METTL15: variants seen among roughly 807,000 people sequenced by gnomAD.
METTL15 encodes methyltransferase 15, mitochondrial 12S rRNA N4-cytidine, also known as 12S rRNA N(4)-cytidine methyltransferase METTL15.
METTL15 carries 34 observed loss-of-function variants against 38.3 expected under a neutral mutation model. The observed-to-expected ratio is 0.89, with a 90% confidence interval of 0.68 to 1.18. METTL15 has a LOEUF of 1.18. METTL15 is among the 50% of genes most tolerant of loss of function. The pLI is 0.00. For synonymous variants in METTL15, 162 were observed against 170.9 expected (o/e 0.95, Z 0.41); for missense variants, 438 against 498.4 (o/e 0.88, Z 1.15).
Position 28,426,878 on chromosome 11 carries a change from A to T in METTL15, c.*424+2514A>T, listed in dbSNP as rs748053508. On this transcript the variant is annotated intron_variant and NMD_transcript_variant, in intron 6 of 7. Coordinates refer to the METTL15 transcript ENST00000532947. ...GGATAGATTGCAAAAATTTTTTCTC[A>T]TTCTGTAGGTTGACAGTTCACTCTG... 1.0e-3 allele frequency among the ~76,000 whole-genome samples: 153 copies of T among 151,526 alleles called. 1 individual carries two copies. Among genetic ancestry groups the T allele is most frequent in the Non-Finnish European group, 1.9e-3 (126 of 67,880 alleles).
intron 3 of METTL15, among the ~76,000 whole-genome samples, chr11:28,133,734 G>A (rs1490288988): frequency 6.6e-6 from 1 of 152,110 alleles, no homozygotes; most frequent in Non-Finnish European, 1.5e-5. Context: ...AGCACCCAGT[G>A]GTTGAGCAGT....
At chr11:28,511,696 G>A (rs1224412604) in intron 6 of METTL15, among the ~76,000 whole-genome samples, 6 of 152,166 alleles carry the variant, frequency 3.9e-5, no homozygotes, top group African/African-American at 1.4e-4. Flanking sequence ...GGTTTTAGGA[G>A]TGAAGCTGCA....
chr11:28,461,926 A>G (rs1851219266), intron 6 of METTL15, among the ~76,000 whole-genome samples: 1 of 152,060 alleles, frequency 6.6e-6, no homozygotes, highest in African/African-American at 2.4e-5. Flanking sequence ...AAATAAAATG[A>G]GATCCATCTT....
chr11:28,238,274 C>G (rs530064212), intron 4 of METTL15, among the ~76,000 whole-genome samples: 12 of 152,318 alleles, frequency 7.9e-5, no homozygotes, highest in East Asian at 7.8e-4. Context: ...GCGAGCTTCC[C>G]GGCTGCTTTG....
intron 3 of METTL15, among the ~76,000 whole-genome samples, chr11:28,143,280 G>A (rs1284430793): frequency 6.6e-6 from 1 of 152,078 alleles, no homozygotes; most frequent in Non-Finnish European, 1.5e-5. Flanking sequence ...AGTCCTTGAG[G>A]AGTCTTATAG....
In METTL15 at chr11:28,471,067, C is replaced by T. The variant is rs571837141; in HGVS notation, c.*424+46703C>T. Among the ~76,000 whole-genome samples, 6 of 152,186 alleles carry T rather than the reference C, an allele frequency of 3.9e-5. No individual in the cohort carries two copies. In the South Asian group the frequency reaches 1.2e-3, roughly 32 times the overall value. Reference sequence around the variant, plus strand: ...CTCACTTGGTTTTTTTCATGTGTTACAGACATCACCTGGGGCTAGAGCCAT... The same window carrying T: ...CTCACTTGGTTTTTTTCATGTGTTATAGACATCACCTGGGGCTAGAGCCAT... On this transcript the variant is annotated intron_variant and NMD_transcript_variant, in intron 6 of 7. Transcript: ENST00000532947.
At chr11:28,253,344 A>G (rs1472899424) in intron 4 of METTL15, among the ~76,000 whole-genome samples, 1 of 152,200 alleles carries the variant, frequency 6.6e-6, no homozygotes, top group African/African-American at 2.4e-5. Flanking sequence ...TAGTAGGTGT[A>G]TATATTTATG....
intron 4 of METTL15, among the ~76,000 whole-genome samples, chr11:28,213,738 G>C (rs1037255063): frequency 6.6e-6 from 1 of 150,550 alleles, no homozygotes; most frequent in Non-Finnish European, 1.5e-5. Flanking sequence ...TCACTGCAAG[G>C]TCCGCCTCCC....
intron 4 of METTL15, among the ~76,000 whole-genome samples, chr11:28,254,350 G>C (rs545646093): frequency 3.9e-5 from 6 of 152,136 alleles, no homozygotes; most frequent in African/African-American, 1.4e-4. Flanking sequence ...TCCCCCATGA[G>C]TTATTTGAGC....
At chr11:28,507,757 G>C (rs75872576) in intron 6 of METTL15, among the ~76,000 whole-genome samples, 2,574 of 152,178 alleles carry the variant, frequency 0.017, 57 homozygotes, top group African/African-American at 0.049. Flanking sequence ...AATTGGTCCT[G>C]TTATTTTCTT....
intron 3 of METTL15, among the ~76,000 whole-genome samples, chr11:28,202,326 T>G (rs1852147154): frequency 6.6e-6 from 1 of 152,138 alleles, no homozygotes; most frequent in African/African-American, 2.4e-5. Context: ...CTGCTTAGCA[T>G]TCAAAGATCA....
intron 4 of METTL15, among the ~76,000 whole-genome samples, chr11:28,216,414 T>C (rs1852872636): frequency 6.6e-6 from 1 of 152,154 alleles, no homozygotes; most frequent in Non-Finnish European, 1.5e-5. Flanking sequence ...TTACAATGCC[T>C]GTCAGACTTG....
chr11:28,458,520 G>A (rs1851188993), intron 6 of METTL15, among the ~76,000 whole-genome samples: 1 of 152,134 alleles, frequency 6.6e-6, no homozygotes, highest in Non-Finnish European at 1.5e-5. Context: ...TGCTCTGAGA[G>A]ATAATAATGC....
At chr11:28,142,277 A>G (rs1298600281) in intron 3 of METTL15, among the ~76,000 whole-genome samples, 1 of 152,216 alleles carries the variant, frequency 6.6e-6, no homozygotes, top group African/African-American at 2.4e-5. Context: ...AGAGAAACAA[A>G]GAACAAGAAG....
At chr11:28,187,766 A>G (rs1851553602) in intron 3 of METTL15, among the ~76,000 whole-genome samples, 1 of 151,100 alleles carries the variant, frequency 6.6e-6, no homozygotes, top group East Asian at 1.9e-4. Context: ...GAAAATTACA[A>G]TGAACTTTTC....
chr11:28,440,028 C>G (rs1287943374), intron 6 of METTL15, among the ~76,000 whole-genome samples: 2 of 152,158 alleles, frequency 1.3e-5, no homozygotes, highest in African/African-American at 4.8e-5. Flanking sequence ...TACCAAGTCT[C>G]TTAGCTACCC....
chr11:28,381,712 A>T (rs906021257), intron 5 of METTL15, among the ~76,000 whole-genome samples: 14 of 152,102 alleles, frequency 9.2e-5, no homozygotes, highest in African/African-American at 3.4e-4. Flanking sequence ...TTGATTTTTT[A>T]AATTGTTTTA....
chr11:28,434,898 A>G (rs1485223982), intron 6 of METTL15, among the ~76,000 whole-genome samples: 1 of 152,166 alleles, frequency 6.6e-6, no homozygotes, highest in Non-Finnish European at 1.5e-5. Flanking sequence ...GTAGGTTCTC[A>G]TGGTAGTGGC....
At chr11:28,311,922 G>A (rs1857318038) in intron 6 of METTL15, among the ~76,000 whole-genome samples, 1 of 152,200 alleles carries the variant, frequency 6.6e-6, no homozygotes, top group Non-Finnish European at 1.5e-5. Flanking sequence ...TGAAGGGATG[G>A]CTAAGATGTC....
Sources: allele counts gnomAD v4.1 joint callset (sites outside exome capture counted in the v4.1 genomes callset), GRCh38; gene constraint gnomAD v4.1.1; transcripts MANE v1.5; gene names NCBI Gene and HGNC (gene_info 2026-07-23, HGNC 2026-07-21).